The following GSG1L variants were observed in gnomAD, a reference collection of about 807,000 sequenced individuals.
The protein encoded by GSG1L is GSG1 like.
A neutral mutation model predicts 42.1 loss-of-function variants in GSG1L; 24 were observed. The ratio of observed to expected loss-of-function variants is 0.57; its 90% CI spans 0.41 to 0.80. The LOEUF is 0.80. GSG1L is among the 30% of genes least tolerant of loss of function. GSG1L has a pLI of 0.00. For synonymous variants in GSG1L, 215 were observed against 203.5 expected (o/e 1.06, Z -0.48); for missense variants, 445 against 472.2 (o/e 0.94, Z 0.53).
In GSG1L at chr16:28,063,574, G is replaced by GCC. The variant is rs1000660059; in HGVS notation, c.-152_-151dup. 4.1e-6 allele frequency: 1 copy of GCC among 242,780 alleles called. No individual in the cohort carries two copies. The highest frequency in any genetic ancestry group is 6.6e-6 in the Non-Finnish European group (1 of 150,844). The allele number at this position is 242,780 out of a possible 1,614,324, so 15.0% of individuals were successfully genotyped here. ...GGCGGCGGACGCGGCGCGGGCCCAT[G>GCC]CCCCCCCCAACCCCGGGGTGGGGGC... is the stretch of plus-strand genomic sequence containing the variant. On this transcript the variant is annotated 5_prime_UTR_variant, in exon 1 of 7. Transcript: ENST00000447459. The surrounding 1 kb of genome is among the most constrained non-coding windows in gnomAD (Gnocchi z 5.8).
chr16:27,968,566 G>A lies in GSG1L; in HGVS notation c.350-5363C>T, dbSNP rs2085159421. 2.6e-5 allele frequency among the ~76,000 whole-genome samples: 4 copies of A among 152,084 alleles called. No homozygotes were observed. The South Asian group carries it at 8.3e-4, about 32-fold the overall frequency. On this transcript the variant is annotated intron_variant, in intron 1 of 6. Transcript: ENST00000447459. ...ACGCCCGGCCCTAAAACATTTTCAT[G>A]GGCCCGTAGAATTTTCATGGCCCTA... is the stretch of plus-strand genomic sequence containing the variant.
intron 4 of GSG1L, among the ~76,000 whole-genome samples, chr16:27,833,803 C>T (rs1451698264): frequency 6.6e-6 from 1 of 152,094 alleles, no homozygotes; most frequent in Non-Finnish European, 1.5e-5. Context: ...CCTAAGACAA[C>T]ACTAAACTTA....
chr16:28,050,606 G>T (rs911195891), intron 1 of GSG1L, among the ~76,000 whole-genome samples: 3 of 152,228 alleles, frequency 2.0e-5, no homozygotes, highest in African/African-American at 7.2e-5. Flanking sequence ...GCAGGTAAGG[G>T]TTTGGTGCCT....
chr16:27,878,486 G>T (rs1333961506), intron 3 of GSG1L, among the ~76,000 whole-genome samples: 1 of 152,160 alleles, frequency 6.6e-6, no homozygotes, highest in Non-Finnish European at 1.5e-5. Flanking sequence ...ACCTCTATCT[G>T]GTCCCGCCCT....
intron 1 of GSG1L, among the ~76,000 whole-genome samples, chr16:28,062,615 G>A (rs77941246): frequency 0.19 from 29,188 of 152,166 alleles, 3,518 homozygotes; most frequent in East Asian, 0.38. Context: ...TGCGGCAGGA[G>A]GGGCGGCTGG....
chr16:27,850,547 G>C (rs2083499365), intron 3 of GSG1L: 1 of 455,796 alleles, frequency 2.2e-6, no homozygotes, highest in African/African-American at 2.0e-5. Flanking sequence ...ATATTAAGCA[G>C]AGCAGGAGGG....
chr16:27,866,817 C>T (rs913325596), intron 3 of GSG1L, among the ~76,000 whole-genome samples: 1 of 152,154 alleles, frequency 6.6e-6, no homozygotes, highest in Non-Finnish European at 1.5e-5. Context: ...TGTGATCCTC[C>T]CGCCTCAGCC....
chr16:27,977,836 T>A (rs2085268863), intron 1 of GSG1L, among the ~76,000 whole-genome samples: 1 of 152,148 alleles, frequency 6.6e-6, no homozygotes, highest in Non-Finnish European at 1.5e-5. Context: ...TGGACCTAGA[T>A]ATGTTTTTCA....
chr16:28,050,940 G>T (rs759435431), intron 1 of GSG1L, among the ~76,000 whole-genome samples: 1 of 152,176 alleles, frequency 6.6e-6, no homozygotes, highest in Non-Finnish European at 1.5e-5. Context: ...ATAAATTTAG[G>T]TTACATGCGC....
chr16:28,049,215 C>T (rs1317653056), intron 1 of GSG1L, among the ~76,000 whole-genome samples: 4 of 152,168 alleles, frequency 2.6e-5, no homozygotes, highest in Admixed American at 6.5e-5. Context: ...CAAAGAGAGG[C>T]TTTTTCTTTA....
At chr16:27,795,307 C>T (rs2082806159) in intron 6 of GSG1L, among the ~76,000 whole-genome samples, 1 of 152,210 alleles carries the variant, frequency 6.6e-6, no homozygotes, top group South Asian at 2.1e-4. Context: ...TTTGCTCAAA[C>T]TCTCCTCTTT....
chr16:27,977,057 C>A (rs893009295), intron 1 of GSG1L, among the ~76,000 whole-genome samples: 1 of 152,180 alleles, frequency 6.6e-6, no homozygotes, highest in Non-Finnish European at 1.5e-5. Flanking sequence ...GATCCCACAA[C>A]CCGGAAGAGA....
At chr16:27,945,744 C>A (rs747887108) in intron 2 of GSG1L, among the ~76,000 whole-genome samples, 22 of 152,242 alleles carry the variant, frequency 1.4e-4, no homozygotes, top group Non-Finnish European at 1.0e-4. Flanking sequence ...TTCCTGGTGG[C>A]TTCAAGGCGT....
chr16:27,918,661 A>C (rs1364185283), intron 2 of GSG1L, among the ~76,000 whole-genome samples: 1 of 90,566 alleles, frequency 1.1e-5, no homozygotes, highest in East Asian at 6.1e-4. Flanking sequence ...TCCATCTCAA[A>C]AAAAAGAAAA....
At chr16:27,810,637 C>G (rs2083020556) in intron 5 of GSG1L, among the ~76,000 whole-genome samples, 1 of 152,038 alleles carries the variant, frequency 6.6e-6, no homozygotes, top group African/African-American at 2.4e-5. Context: ...AGTGTTGATG[C>G]CTTAGAAAGG....
chr16:27,975,170 T>C (rs946131478), intron 1 of GSG1L, among the ~76,000 whole-genome samples: 1 of 151,912 alleles, frequency 6.6e-6, no homozygotes, highest in Non-Finnish European at 1.5e-5. Context: ...CTTAGAGAAA[T>C]GTAGTCACTG....
At chr16:27,988,935 C>T (rs1038259884) in intron 1 of GSG1L, among the ~76,000 whole-genome samples, 1 of 151,518 alleles carries the variant, frequency 6.6e-6, no homozygotes, top group Non-Finnish European at 1.5e-5. Flanking sequence ...TGCCTGTAAT[C>T]CCTGCTCCTC....
At chr16:27,931,653 C>A (rs1567523442) in intron 2 of GSG1L, among the ~76,000 whole-genome samples, 1 of 152,224 alleles carries the variant, frequency 6.6e-6, no homozygotes, top group Non-Finnish European at 1.5e-5. Flanking sequence ...CATCAGCCTG[C>A]ACCTGGATGC....
At position 27,898,105 on chromosome 16, in the gene GSG1L, G is replaced by A. The variant is rs147765762; in HGVS notation, c.398-13467C>T. Among the ~76,000 whole-genome samples the A allele has an allele frequency of 2.3e-3, 354 of 152,300 alleles. 10 individuals are homozygous for A. Among genetic ancestry groups the A allele is most frequent in the Admixed American group, 0.021 (322 of 15,302 alleles). ...CAGTTCAGAGACGTCTCTGGCAGAC[G>A]TGCCCTTTAGAAATGGCTCTTTTGG... is the stretch of plus-strand genomic sequence containing the variant. On this transcript the variant is annotated intron_variant, in intron 2 of 6. Transcript: ENST00000447459.
Sources: allele counts gnomAD v4.1 joint callset (sites outside exome capture counted in the v4.1 genomes callset), GRCh38; gene constraint gnomAD v4.1.1; non-coding constraint Gnocchi (gnomAD v3.1); transcripts MANE v1.5; gene names NCBI Gene and HGNC (gene_info 2026-07-23, HGNC 2026-07-21).